The following RBFOX1 variants were observed in gnomAD, a reference collection of about 807,000 sequenced individuals.
The protein encoded by RBFOX1 is RNA binding fox-1 homolog 1, also known as RNA binding protein fox-1 homolog 1.
A neutral mutation model predicts 57.7 loss-of-function variants in RBFOX1; 8 were observed. The ratio of observed to expected loss-of-function variants is 0.14; its 90% CI spans 0.08 to 0.25. The LOEUF is 0.25. Among genes scored for constraint, RBFOX1 ranks in the 10% least tolerant of loss-of-function variants. The pLI is 1.00. For synonymous variants in RBFOX1, 326 were observed against 222.4 expected (o/e 1.47, Z -4.15); for missense variants, 611 against 548.5 (o/e 1.11, Z -1.14).
intron 1 of RBFOX1, among the ~76,000 whole-genome samples, chr16:5,418,528 CAGAG>C (rs1459739838): frequency 6.6e-6 from 1 of 151,946 alleles, no homozygotes; most frequent in Non-Finnish European, 1.5e-5. Flanking sequence ...TCGGTGTAGA[CAGAG>C]AGAGAGGCTG....
intron 3 of RBFOX1, among the ~76,000 whole-genome samples, chr16:5,761,414 C>G (rs752603951): frequency 1.3e-5 from 2 of 152,166 alleles, no homozygotes; most frequent in African/African-American, 2.4e-5. Flanking sequence ...TAGCTGTTCT[C>G]TTTCTGCTAA....
At chr16:6,794,771 C>G (rs544669193) in intron 3 of RBFOX1, among the ~76,000 whole-genome samples, 3 of 151,998 alleles carry the variant, frequency 2.0e-5, no homozygotes, top group African/African-American at 7.2e-5. Flanking sequence ...TGTAGGGAAA[C>G]ATGTTTAATG....
At chr16:7,476,948 C>A (rs1599423863) in intron 4 of RBFOX1, among the ~76,000 whole-genome samples, 1 of 152,196 alleles carries the variant, frequency 6.6e-6, no homozygotes, top group Non-Finnish European at 1.5e-5. Flanking sequence ...TCATCCTCAC[C>A]CCTCCATCAT....
chr16:5,371,975 G>A (rs571765267), intron 1 of RBFOX1, among the ~76,000 whole-genome samples: 3 of 152,300 alleles, frequency 2.0e-5, no homozygotes, highest in African/African-American at 4.8e-5. Context: ...TTTAATGGAT[G>A]AAGTGGCAAA....
At chr16:7,276,866 T>C (rs1472520924) in intron 4 of RBFOX1, among the ~76,000 whole-genome samples, 2 of 152,220 alleles carry the variant, frequency 1.3e-5, no homozygotes, top group Non-Finnish European at 2.9e-5. Flanking sequence ...TTCTGTCTAA[T>C]TATGTGTAAA....
At chr16:6,712,082 C>A (rs1273759430) in intron 3 of RBFOX1, among the ~76,000 whole-genome samples, 2 of 152,154 alleles carry the variant, frequency 1.3e-5, no homozygotes, top group African/African-American at 4.8e-5. Context: ...GTGTTACATT[C>A]CTCTACCTAG....
intron 1 of RBFOX1, among the ~76,000 whole-genome samples, chr16:6,251,848 G>A (rs2097616054): frequency 1.3e-5 from 2 of 152,116 alleles, no homozygotes; most frequent in Admixed American, 1.3e-4. Context: ...CCAGTCTGAG[G>A]ATCGTTTAAA....
chr16:6,851,564 C>T (rs886654037), intron 3 of RBFOX1, among the ~76,000 whole-genome samples: 2 of 152,182 alleles, frequency 1.3e-5, no homozygotes, highest in African/African-American at 4.8e-5. Context: ...GTGTTCTCCT[C>T]TGCCAAATTG....
intron 1 of RBFOX1, among the ~76,000 whole-genome samples, chr16:6,056,474 G>C (rs2095616012): frequency 6.6e-6 from 1 of 151,926 alleles, no homozygotes; most frequent in African/African-American, 2.4e-5. Context: ...TTGAATACTG[G>C]ATCTTTATCA....
intron 3 of RBFOX1, among the ~76,000 whole-genome samples, chr16:6,820,983 A>G (rs371849579): frequency 1.3e-5 from 2 of 152,230 alleles, no homozygotes; most frequent in African/African-American, 4.8e-5. Context: ...TGTGTTATAT[A>G]CAGTTACTTG....
At chr16:5,939,795 A>AT (rs968194291) in intron 4 of RBFOX1, among the ~76,000 whole-genome samples, 9 of 152,036 alleles carry the variant, frequency 5.9e-5, no homozygotes, top group Non-Finnish European at 1.3e-4. Flanking sequence ...GTTTAAGGAG[A>AT]TTTTTTCATA....
intron 2 of RBFOX1, among the ~76,000 whole-genome samples, chr16:6,449,812 T>C (rs1187717116): frequency 6.6e-6 from 1 of 152,214 alleles, no homozygotes; most frequent in Non-Finnish European, 1.5e-5. Flanking sequence ...TTCTTGCTAA[T>C]GAAGGTGGCA....
intron 3 of RBFOX1, among the ~76,000 whole-genome samples, chr16:6,919,096 C>T (rs572787429): frequency 4.6e-5 from 7 of 152,288 alleles, no homozygotes; most frequent in South Asian, 2.1e-4. Context: ...TCTCCTGTCT[C>T]AGCCTACTGA....
chr16:6,311,250 C>T (rs1469867101), intron 1 of RBFOX1, among the ~76,000 whole-genome samples: 1 of 133,356 alleles, frequency 7.5e-6, no homozygotes, highest in Non-Finnish European at 1.5e-5. Context: ...GAGCTGAGAT[C>T]GTGCCACCGT....
At chr16:5,638,760 G>A (rs2048768102) in intron 3 of RBFOX1, among the ~76,000 whole-genome samples, 1 of 152,174 alleles carries the variant, frequency 6.6e-6, no homozygotes, top group Non-Finnish European at 1.5e-5. Flanking sequence ...GTAGGATCCT[G>A]TACTGGTTCA....
chr16:7,538,737 T>C (rs1430908847), intron 5 of RBFOX1, among the ~76,000 whole-genome samples: 1 of 152,220 alleles, frequency 6.6e-6, no homozygotes, highest in Non-Finnish European at 1.5e-5. Context: ...GAAGTTTAGC[T>C]GTAGAGATCA....
chr16:6,220,160 G>A (rs2052228), intron 1 of RBFOX1, among the ~76,000 whole-genome samples: 69,624 of 151,740 alleles, frequency 0.46, 16,696 homozygotes, highest in East Asian at 0.77. Context: ...ATCTATATGT[G>A]TGTGTATATA....
chr16:6,776,745 G>A (rs1261941272), intron 3 of RBFOX1, among the ~76,000 whole-genome samples: 1 of 152,180 alleles, frequency 6.6e-6, no homozygotes, highest in Non-Finnish European at 1.5e-5. Flanking sequence ...CACACTAGGT[G>A]CTAAACTTTT....
At chr16:7,355,863 C>A (rs2097205953) in intron 4 of RBFOX1, among the ~76,000 whole-genome samples, 1 of 152,304 alleles carries the variant, frequency 6.6e-6, no homozygotes, top group South Asian at 2.1e-4. Context: ...TTTGCAGCTC[C>A]CTCCACCTGC....
Sources: gnomAD v4.1 joint callset for allele counts (sites outside exome capture counted in the v4.1 genomes callset) on GRCh38, gnomAD v4.1.1 for gene constraint, MANE v1.5 for transcripts, NCBI Gene and HGNC (gene_info 2026-07-23, HGNC 2026-07-21) for gene names.